The following BMPER variants were observed in gnomAD, a reference collection of about 807,000 sequenced individuals.
The protein encoded by BMPER is BMP binding endothelial regulator.
Under a neutral mutation model 87.3 loss-of-function variants are expected in BMPER, and 45 were observed. The ratio of observed to expected loss-of-function variants is 0.52; its 90% CI spans 0.41 to 0.66. BMPER has a LOEUF of 0.66. Among genes scored for constraint, BMPER ranks in the 30% least tolerant of loss-of-function variants. The pLI is 0.00. For synonymous variants in BMPER, 326 were observed against 316.2 expected (o/e 1.03, Z -0.33); for missense variants, 784 against 867.5 (o/e 0.90, Z 1.21).
intron 6 of BMPER, among the ~76,000 whole-genome samples, chr7:34,002,279 G>GT (rs1470951574): frequency 1.3e-5 from 2 of 151,588 alleles, no homozygotes; most frequent in African/African-American, 4.8e-5. Context: ...CAATCATTCT[G>GT]TTTTTTACTT....
intron 3 of BMPER, chr7:33,940,051 C>A (rs780972405): frequency 3.9e-5 from 9 of 232,628 alleles, no homozygotes; most frequent in Middle Eastern, 4.6e-4. Flanking sequence ...GGAATTGTAA[C>A]TTATGCTCAT....
chr7:34,060,285 G>T (rs1326084343), intron 10 of BMPER, among the ~76,000 whole-genome samples: 1 of 151,916 alleles, frequency 6.6e-6, no homozygotes, highest in Non-Finnish European at 1.5e-5. Flanking sequence ...AGTCACATTT[G>T]TTTGGAGTCT....
chr7:34,132,790 T>C (rs1053618810), intron 13 of BMPER, among the ~76,000 whole-genome samples: 7 of 152,110 alleles, frequency 4.6e-5, no homozygotes, highest in African/African-American at 1.7e-4. Context: ...CCCCATCACT[T>C]TACAAACTAA....
chr7:33,940,978 T>C (rs1454970969), intron 3 of BMPER, among the ~76,000 whole-genome samples: 1 of 135,632 alleles, frequency 7.4e-6, no homozygotes, highest in African/African-American at 2.8e-5. Context: ...ATATAATTTA[T>C]ATATATTATA....
intron 6 of BMPER, among the ~76,000 whole-genome samples, chr7:34,017,991 G>A (rs780210915): frequency 3.0e-4 from 44 of 148,964 alleles, no homozygotes; most frequent in East Asian, 5.9e-4. Flanking sequence ...AACAAAACCC[G>A]TAGTTGAGTT....
At chr7:34,108,495 A>C (rs1789881177) in intron 13 of BMPER, among the ~76,000 whole-genome samples, 1 of 152,194 alleles carries the variant, frequency 6.6e-6, no homozygotes, top group Non-Finnish European at 1.5e-5. Flanking sequence ...TATTCTTCAC[A>C]ATGCTGGAAA....
intron 3 of BMPER, among the ~76,000 whole-genome samples, chr7:33,955,416 T>A (rs916672421): frequency 1.3e-5 from 2 of 152,138 alleles, no homozygotes; most frequent in African/African-American, 4.8e-5. Flanking sequence ...CCCAAGCAAA[T>A]GAGTCTCAGC....
chr7:33,964,791 A>G lies in BMPER; in HGVS notation c.320-1688A>G, dbSNP rs539673108. Among the ~76,000 whole-genome samples the G allele has an allele frequency of 6.9e-4, 105 of 152,272 alleles. 1 individual carries two copies. Among genetic ancestry groups the G allele is most frequent in the African/African-American group, 2.5e-3 (102 of 41,548 alleles). On this transcript the variant is annotated intron_variant, in intron 3 of 14. Transcript: ENST00000649409. ...TTGCTTGCACTATTAGCAGCAAAAA[A>G]TCACCCTTTCTTTCAGTTTTTTAAT... is the stretch of plus-strand genomic sequence containing the variant.
Position 34,079,171 on chromosome 7 carries a change from G to C in BMPER, c.1393G>C (p.Val465Leu), listed in dbSNP as rs1485282495. 1 of 1,613,610 alleles carries C rather than the reference G, an allele frequency of 6.2e-7. No individual in the cohort carries two copies. The highest frequency in any genetic ancestry group is 1.3e-5 in the African/African-American group (1 of 74,936). ...CGACCTGGATGGCTACCTCTTGAAA[G>C]TGACCACCAAAGCAGGTGGGGCGTC... ...HIDLDGYLLK[V>L]TTKAGLEISW... The change falls in exon 12 of 15, where the codon GTG (valine) becomes CTG (leucine). Residue 465 changes from valine (V) to leucine (L), a missense_variant. Coordinates refer to ENST00000649409, the MANE Select transcript of BMPER (RefSeq NM_001365308.1).
intron 2 of BMPER, among the ~76,000 whole-genome samples, chr7:33,925,051 C>T (rs535776747): frequency 1.3e-5 from 2 of 152,320 alleles, no homozygotes; most frequent in South Asian, 4.1e-4. Context: ...AGAGCCCTCC[C>T]TAGTGCCCAT....
At chr7:33,907,023 A>C (rs1783836908) in intron 2 of BMPER, 120 bp downstream of exon 2, 2 of 964,174 alleles carry the variant, frequency 2.1e-6, no homozygotes, top group Non-Finnish European at 3.2e-6. Flanking sequence ...ATTGCACATA[A>C]CTGTACATAG....
chr7:34,032,633 T>C (rs1334386411), intron 6 of BMPER, among the ~76,000 whole-genome samples: 1 of 152,198 alleles, frequency 6.6e-6, no homozygotes, highest in African/African-American at 2.4e-5. Context: ...GAGTTCGGAA[T>C]GTTTGAGAAG....
chr7:33,978,988 C>T (rs1331942876), intron 6 of BMPER, among the ~76,000 whole-genome samples: 1 of 152,112 alleles, frequency 6.6e-6, no homozygotes, highest in Non-Finnish European at 1.5e-5. Context: ...ACTAACTGTA[C>T]TGGCAGTTAG....
intron 13 of BMPER, among the ~76,000 whole-genome samples, chr7:34,105,444 G>A (rs1178516724): frequency 6.6e-6 from 1 of 152,164 alleles, no homozygotes; most frequent in Non-Finnish European, 1.5e-5. Context: ...AAAAGCACCT[G>A]AGGGCCTGTC....
At chr7:33,951,312 T>C (rs750440628) in intron 3 of BMPER, among the ~76,000 whole-genome samples, 1 of 152,078 alleles carries the variant, frequency 6.6e-6, no homozygotes, top group Non-Finnish European at 1.5e-5. Context: ...CCTCCTGAAG[T>C]GCTGGGATAA....
intron 3 of BMPER, among the ~76,000 whole-genome samples, chr7:33,962,699 G>C (rs1363006868): frequency 6.6e-6 from 1 of 152,040 alleles, no homozygotes; most frequent in South Asian, 2.1e-4. Flanking sequence ...CACACCTCCC[G>C]CTGCAGTACT....
In BMPER at chr7:34,153,405, T is replaced by C. The variant is rs1791235586; in HGVS notation, c.*132T>C. The C allele has an allele frequency of 9.8e-6, 8 of 816,186 alleles. No individual in the cohort carries two copies. The highest frequency in any genetic ancestry group is 1.6e-5 in the Non-Finnish European group (8 of 508,870). 50.6% of individuals were successfully genotyped at this position (816,186 alleles called of 1,614,324 possible). On this transcript the variant is annotated 3_prime_UTR_variant, in exon 15 of 15. Coordinates refer to ENST00000649409, the MANE Select transcript of BMPER (RefSeq NM_001365308.1). The stretch of plus-strand genomic sequence containing the variant: ...CACACAGAGTATATATGTGTATATA[T>C]ATATAGATATATTCAAAAACATTGC...
intron 13 of BMPER, among the ~76,000 whole-genome samples, chr7:34,127,922 T>C (rs1284268528): frequency 6.6e-6 from 1 of 152,204 alleles, no homozygotes; most frequent in Non-Finnish European, 1.5e-5. Flanking sequence ...ATCCAAAATA[T>C]TCTTATTAGC....
chr7:34,118,244 G>A (rs781683325), intron 13 of BMPER, among the ~76,000 whole-genome samples: 1 of 152,100 alleles, frequency 6.6e-6, no homozygotes, highest in Non-Finnish European at 1.5e-5. Flanking sequence ...GGCGGAGTTT[G>A]CAGTGAGCCG....
Sources: gnomAD v4.1 joint callset for allele counts (sites outside exome capture counted in the v4.1 genomes callset) on GRCh38, gnomAD v4.1.1 for gene constraint, MANE v1.5 for transcripts, NCBI Gene and HGNC (gene_info 2026-07-23, HGNC 2026-07-21) for gene names.